Variants in GOLGA8B observed in about 807,000 individuals in gnomAD.
GOLGA8B encodes golgin A8 family member B.
Under a neutral mutation model 15.6 loss-of-function variants are expected in GOLGA8B, and 1 was observed. The ratio of observed to expected loss-of-function variants is 0.06; its 90% CI spans 0.02 to 0.30. The LOEUF (loss-of-function observed/expected upper bound fraction) is 0.30, where lower values mean the gene tolerates loss of function less well. GOLGA8B is among the 10% of genes least tolerant of loss of function. GOLGA8B has a pLI of 1.00. For missense variants in GOLGA8B, 17 were observed against 201.3 expected (o/e 0.08, Z 5.54); for synonymous variants, 9 against 80.3 (o/e 0.11, Z 4.75).
intron 1 of GOLGA8B, among the ~76,000 whole-genome samples, chr15:34,582,177 T>C (rs1239005528): frequency 6.6e-6 from 1 of 152,070 alleles, no homozygotes; most frequent in Non-Finnish European, 1.5e-5. Flanking sequence ...CCAGTTCCTG[T>C]CCCCCTGCGT....
chr15:34,573,983 G>A (rs1276484128), intron 1 of GOLGA8B, among the ~76,000 whole-genome samples: 3 of 151,806 alleles, frequency 2.0e-5, no homozygotes, highest in Admixed American at 2.0e-4. Flanking sequence ...AAAGAAACAA[G>A]TGCACATAAA....
Position 34,527,713 on chromosome 15 carries a change from G to A in GOLGA8B, c.1731C>T (p.Asp577=). Residue 577 remains aspartate (D), a synonymous_variant, in exon 24 of 24, where the codon GAC becomes GAT. Coordinates refer to ENST00000683415, the MANE Select transcript of GOLGA8B (RefSeq NM_001023567.5). ...PVLQLLGEMQ[D]HQEHPGLGSN... is the part of the protein sequence containing the mutation. ...TGCCCAAGCCTGGGTGCTCCTGGTG[G>A]TCCTGCATCTCACCAAGGAGCTGCA... 3.1e-6 allele frequency: 4 copies of A among 1,286,848 alleles called. 1 individual carries two copies. Among genetic ancestry groups the A allele is most frequent in the Non-Finnish European group, 3.1e-6 (3 of 962,112 alleles). 79.7% of individuals were successfully genotyped at this position (1,286,848 alleles called of 1,614,324 possible). A position where few individuals can be genotyped will look rare whatever the true frequency, so the allele number is the denominator to read the frequency against.
intron 1 of GOLGA8B, among the ~76,000 whole-genome samples, chr15:34,564,220 C>T (rs1408228537): frequency 1.4e-5 from 2 of 143,912 alleles, no homozygotes; most frequent in Non-Finnish European, 1.5e-5. Flanking sequence ...ATATACACAT[C>T]GCTGAGGCTG....
intron 1 of GOLGA8B, among the ~76,000 whole-genome samples, chr15:34,555,275 TC>T (rs1326519106): frequency 3.5e-5 from 1 of 28,356 alleles, no homozygotes; most frequent in African/African-American, 2.3e-4. Flanking sequence ...CACCTCTCTC[TC>T]CCCTCCCACC....
chr15:34,578,711 T>G (rs1256468280), intron 1 of GOLGA8B, among the ~76,000 whole-genome samples: 1 of 152,254 alleles, frequency 6.6e-6, no homozygotes, highest in Non-Finnish European at 1.5e-5. Context: ...GATGCGTGTT[T>G]CATTCCAGTG....
chr15:34,576,930 G>A (rs952211751), intron 1 of GOLGA8B, among the ~76,000 whole-genome samples: 1 of 152,034 alleles, frequency 6.6e-6, no homozygotes, highest in African/African-American at 2.4e-5. Context: ...TAGCAGAACA[G>A]TTGCACACAT....
chr15:34,526,128 A>G lies in GOLGA8B; in HGVS notation c.*1504T>C, dbSNP rs1184260401. On this transcript the variant is annotated 3_prime_UTR_variant, in exon 24 of 24. Transcript: ENST00000683415. ...ATGTCCCTGACTGAAACTGAGAGGT[A>G]CAAAAACATATTTCACTCTTCGTAA... The G allele has an allele frequency of 6.7e-6, 1 of 150,002 alleles. No individual in the cohort carries two copies. Among genetic ancestry groups the G allele is most frequent in the Non-Finnish European group, 1.5e-5 (1 of 67,250 alleles). The allele number at this position is 150,002 out of a possible 1,614,324, so 9.3% of individuals were successfully genotyped here.
At chr15:34,577,133 C>T (rs1460850487) in intron 1 of GOLGA8B, among the ~76,000 whole-genome samples, 1 of 152,018 alleles carries the variant, frequency 6.6e-6, no homozygotes, top group Non-Finnish European at 1.5e-5. Flanking sequence ...GCACCACACC[C>T]GTGACAGCTG....
At chr15:34,570,032 G>A (rs1328484698) in intron 1 of GOLGA8B, among the ~76,000 whole-genome samples, 2 of 152,158 alleles carry the variant, frequency 1.3e-5, no homozygotes, top group Non-Finnish European at 2.9e-5. Context: ...AGTCACACAT[G>A]CTGGCCCCAC....
chr15:34,577,302 C>T (rs1027079282), intron 1 of GOLGA8B, among the ~76,000 whole-genome samples: 2 of 152,062 alleles, frequency 1.3e-5, no homozygotes. Flanking sequence ...TGCGGTTACT[C>T]AACTAGTGGC....
intron 1 of GOLGA8B, among the ~76,000 whole-genome samples, chr15:34,577,476 AAACC>A (rs1889112670): frequency 6.6e-6 from 1 of 151,192 alleles, no homozygotes; most frequent in African/African-American, 2.4e-5. Flanking sequence ...CAGGAATGCC[AAACC>A]AACCAAATGA....
At chr15:34,580,330 A>T (rs1239081214) in intron 1 of GOLGA8B, among the ~76,000 whole-genome samples, 2 of 152,176 alleles carry the variant, frequency 1.3e-5, no homozygotes, top group Non-Finnish European at 2.9e-5. Flanking sequence ...GCCGAGACAC[A>T]TGGATGTGGA....
intron 1 of GOLGA8B, among the ~76,000 whole-genome samples, chr15:34,567,778 G>A (rs2140348497): frequency 6.6e-6 from 1 of 151,944 alleles, no homozygotes; most frequent in East Asian, 1.9e-4. Flanking sequence ...TGGTTTTCAA[G>A]CAACACACAA....
At chr15:34,579,832 GGCA>G (rs1889182867) in intron 1 of GOLGA8B, among the ~76,000 whole-genome samples, 1 of 152,198 alleles carries the variant, frequency 6.6e-6, no homozygotes, top group Non-Finnish European at 1.5e-5. Flanking sequence ...CTGTGTGCCA[GGCA>G]CTTTTCTAGC....
intron 1 of GOLGA8B, among the ~76,000 whole-genome samples, chr15:34,582,453 C>G (rs182107976): frequency 3.3e-4 from 51 of 152,344 alleles, no homozygotes; most frequent in Middle Eastern, 6.8e-3. Flanking sequence ...CAGTTTAGCC[C>G]AAAAACAAAG....
At chr15:34,567,207 G>A (rs1189368662) in intron 1 of GOLGA8B, among the ~76,000 whole-genome samples, 2 of 143,470 alleles carry the variant, frequency 1.4e-5, no homozygotes, top group African/African-American at 5.3e-5. Flanking sequence ...GGGGGCAACC[G>A]CCTGATTCCT....
chr15:34,571,541 C>G (rs1377203819), intron 1 of GOLGA8B, among the ~76,000 whole-genome samples: 1 of 150,314 alleles, frequency 6.7e-6, no homozygotes, highest in Non-Finnish European at 1.5e-5. Context: ...AACACAGCAG[C>G]TACTTAACCC....
intron 1 of GOLGA8B, among the ~76,000 whole-genome samples, chr15:34,563,736 A>G (rs1472904159): frequency 6.6e-6 from 1 of 151,132 alleles, no homozygotes; most frequent in Non-Finnish European, 1.5e-5. Flanking sequence ...AAGCATAAAG[A>G]GCTACTTTGT....
intron 1 of GOLGA8B, among the ~76,000 whole-genome samples, chr15:34,554,317 T>C (rs1383911510): frequency 6.6e-6 from 1 of 152,292 alleles, no homozygotes; most frequent in Non-Finnish European, 1.5e-5. Flanking sequence ...GCTGCCGGTC[T>C]GCCTGTCACC....
Sources: allele counts gnomAD v4.1 joint callset (sites outside exome capture counted in the v4.1 genomes callset), GRCh38; gene constraint gnomAD v4.1.1; transcripts MANE v1.5; gene names NCBI Gene and HGNC (gene_info 2026-07-23, HGNC 2026-07-21).